CNTN5: variants seen among roughly 807,000 people sequenced by gnomAD.
The protein encoded by CNTN5 is contactin 5.
CNTN5 carries 77 observed loss-of-function variants against 129.1 expected under a neutral mutation model. The ratio of observed to expected loss-of-function variants is 0.60; its 90% CI spans 0.50 to 0.72. The LOEUF (loss-of-function observed/expected upper bound fraction) is 0.72. CNTN5 is among the 30% of genes least tolerant of loss of function. The pLI is 0.00. For missense variants in CNTN5, 1,478 were observed against 1,328.8 expected, an observed-to-expected ratio of 1.11 and a Z score of -1.75; for synonymous variants, 509 against 465.6, an observed-to-expected ratio of 1.09 and a Z score of -1.20.
chr11:100,083,948 C>T (rs1392359695), intron 13 of CNTN5, among the ~76,000 whole-genome samples: 1 of 152,100 alleles, frequency 6.6e-6, no homozygotes, highest in South Asian at 2.1e-4. Context: ...TAAGTCTCAA[C>T]TCCCAACGAG....
intron 23 of CNTN5, 84 bp downstream of exon 23, chr11:100,341,289 G>T (rs990223042): frequency 2.0e-6 from 2 of 991,714 alleles, no homozygotes; most frequent in African/African-American, 3.2e-5. Flanking sequence ...GGCATAAAAA[G>T]ACCCATTAAC....
intron 3 of CNTN5, among the ~76,000 whole-genome samples, chr11:99,660,309 G>T (rs958061236): frequency 9.2e-5 from 14 of 152,080 alleles, no homozygotes; most frequent in African/African-American, 3.1e-4. Context: ...AAAGCAAAAT[G>T]TTGGTTGCCT....
chr11:99,715,951 C>G (rs559158412), intron 3 of CNTN5, among the ~76,000 whole-genome samples: 1 of 151,708 alleles, frequency 6.6e-6, no homozygotes, highest in Non-Finnish European at 1.5e-5. Context: ...ATCCTTAGAA[C>G]AAGAATATAA....
intron 10 of CNTN5, among the ~76,000 whole-genome samples, chr11:100,067,189 T>C (rs1027270494): frequency 5.9e-5 from 9 of 152,106 alleles, no homozygotes; most frequent in African/African-American, 1.9e-4. Context: ...TAAATTCCCA[T>C]AGCCTTAATG....
In CNTN5 at chr11:99,783,155, C is replaced by T. The variant is rs1204226915; in HGVS notation, c.56-36389C>T. On this transcript the variant is annotated intron_variant, in intron 3 of 24. Coordinates refer to ENST00000524871, the MANE Select transcript of CNTN5 (RefSeq NM_014361.4). ...AAAAACAACCCCATCAAAAAGTGGG[C>T]GAAGGACATGAACAGACACTTCTCA... 6.1e-5 allele frequency among the ~76,000 whole-genome samples: 5 copies of T among 81,714 alleles called. 1 individual carries two copies. Among genetic ancestry groups the T allele is most frequent in the South Asian group, 4.8e-4 (1 of 2,104 alleles). The allele number at this position is 81,714 out of a possible 152,430, so 53.6% of individuals were successfully genotyped here.
intron 2 of CNTN5, among the ~76,000 whole-genome samples, chr11:99,468,005 T>G (rs1448189377): frequency 1.3e-5 from 2 of 152,160 alleles, no homozygotes; most frequent in African/African-American, 4.8e-5. Flanking sequence ...CAAAATAATG[T>G]GCCATGCATG....
At chr11:99,636,344 T>A (rs780188966) in intron 3 of CNTN5, among the ~76,000 whole-genome samples, 4 of 151,562 alleles carry the variant, frequency 2.6e-5, no homozygotes, top group Non-Finnish European at 4.4e-5. Context: ...GACATGAGCA[T>A]AGAGGAAAGT....
intron 3 of CNTN5, among the ~76,000 whole-genome samples, chr11:99,727,444 T>C (rs1030203638): frequency 1.3e-5 from 2 of 151,442 alleles, no homozygotes; most frequent in Admixed American, 1.3e-4. Context: ...TATGACAAGA[T>C]AGAGCATGTC....
chr11:99,087,141 G>C (rs1314982827), intron 1 of CNTN5, among the ~76,000 whole-genome samples: 1 of 152,106 alleles, frequency 6.6e-6, no homozygotes, highest in Non-Finnish European at 1.5e-5. Context: ...TTTGAATTGA[G>C]GTTATGCCAA....
chr11:100,116,800 AT>A (rs1468530078), intron 13 of CNTN5, among the ~76,000 whole-genome samples: 1 of 152,004 alleles, frequency 6.6e-6, no homozygotes, highest in Non-Finnish European at 1.5e-5. Flanking sequence ...TGAATTGTTG[AT>A]TTAAAAAAAA....
At chr11:99,560,582 C>T (rs548213518) in intron 3 of CNTN5, among the ~76,000 whole-genome samples, 12 of 152,186 alleles carry the variant, frequency 7.9e-5, no homozygotes, top group South Asian at 6.2e-4. Context: ...TGAGCCACCG[C>T]GCCCAGCCTG....
At chr11:99,785,465 A>G (rs2135408816) in intron 3 of CNTN5, among the ~76,000 whole-genome samples, 1 of 152,208 alleles carries the variant, frequency 6.6e-6, no homozygotes, top group South Asian at 2.1e-4. Flanking sequence ...TTAGGTATGA[A>G]GTCTTTGCCC....
intron 13 of CNTN5, among the ~76,000 whole-genome samples, chr11:100,105,145 C>T (rs1036380740): frequency 1.3e-5 from 2 of 152,130 alleles, no homozygotes; most frequent in South Asian, 4.1e-4. Context: ...TTATTCAAAG[C>T]GATTACTTGA....
intron 3 of CNTN5, among the ~76,000 whole-genome samples, chr11:99,677,425 C>T (rs1221245832): frequency 3.9e-5 from 6 of 152,088 alleles, no homozygotes; most frequent in Non-Finnish European, 2.9e-5. Flanking sequence ...ACCACATGAG[C>T]AGTTTGAGGA....
chr11:99,638,803 T>G (rs180728508), intron 3 of CNTN5, among the ~76,000 whole-genome samples: 164 of 152,244 alleles, frequency 1.1e-3, no homozygotes, highest in African/African-American at 3.8e-3. Context: ...GGGTACAGCC[T>G]CCCTCCCAGC....
chr11:100,042,965 T>C (rs1942463028), intron 9 of CNTN5, among the ~76,000 whole-genome samples: 1 of 152,246 alleles, frequency 6.6e-6, no homozygotes, highest in Non-Finnish European at 1.5e-5. Flanking sequence ...AGAACTGTGC[T>C]CTTCCTTTCC....
chr11:100,171,405 A>G (rs1362672675), intron 13 of CNTN5, among the ~76,000 whole-genome samples: 1 of 151,978 alleles, frequency 6.6e-6, no homozygotes, highest in Non-Finnish European at 1.5e-5. Context: ...ATCTCACACA[A>G]ATTCAAGAAA....
chr11:99,177,788 A>G (rs1857851251), intron 1 of CNTN5, among the ~76,000 whole-genome samples: 1 of 152,224 alleles, frequency 6.6e-6, no homozygotes, highest in African/African-American at 2.4e-5. Flanking sequence ...TTTTCATGAA[A>G]AGACCAAAAC....
At chr11:99,088,724 C>G (rs1278339254) in intron 1 of CNTN5, among the ~76,000 whole-genome samples, 1 of 152,010 alleles carries the variant, frequency 6.6e-6, no homozygotes, top group African/African-American at 2.4e-5. Flanking sequence ...ATGCTGAAGA[C>G]TAGTGGGAAA....
Sources: gnomAD v4.1 joint callset for allele counts (sites outside exome capture counted in the v4.1 genomes callset) on GRCh38, gnomAD v4.1.1 for gene constraint, MANE v1.5 for transcripts, NCBI Gene and HGNC (gene_info 2026-07-23, HGNC 2026-07-21) for gene names.